Variants in HEATR5A observed in about 807,000 individuals in gnomAD.
HEATR5A encodes HEAT repeat containing 5A, also known as HEAT repeat-containing protein 5A.
HEATR5A carries 178 observed loss-of-function variants against 218.8 expected under a neutral mutation model. The ratio of observed to expected loss-of-function variants is 0.81; its 90% CI spans 0.72 to 0.92. The LOEUF is 0.92. Among genes scored for constraint, HEATR5A ranks in the 40% least tolerant of loss-of-function variants. The pLI, the probability that HEATR5A is intolerant of heterozygous loss-of-function variation, is 0.00. For synonymous variants in HEATR5A, 864 were observed against 871.6 expected (o/e 0.99, Z 0.15); for missense variants, 2,420 against 2,418.9 (o/e 1.00, Z -0.01).
chr14:31,343,151 G>A (rs966480064), intron 21 of HEATR5A, among the ~76,000 whole-genome samples: 1 of 151,084 alleles, frequency 6.6e-6, no homozygotes, highest in African/African-American at 2.4e-5. Flanking sequence ...GAGTGCCAAT[G>A]GCACGATCTC....
chr14:31,371,224 A>T (rs1341477960), intron 13 of HEATR5A, among the ~76,000 whole-genome samples: 1 of 152,234 alleles, frequency 6.6e-6, no homozygotes, highest in East Asian at 1.9e-4. Flanking sequence ...GGTCCTTCAG[A>T]AGAAACAGTC....
chr14:31,395,282 C>T lies in HEATR5A; in HGVS notation c.514G>A (p.Ala172Thr), dbSNP rs1281083308. The change falls in exon 5 of 36, where the codon GCA (alanine) becomes ACA (threonine). Residue 172 changes from alanine (A) to threonine (T), a missense_variant. By Grantham distance (58) the Ala-to-Thr change is moderately conservative. Transcript: ENST00000543095. The stretch of plus-strand genomic sequence containing the variant: ...TTATAAACATCCCTGTGACAAGGTG[C>T]AGCGGCAGCTCCTAGTCCATTCAAT... ...NILNGLGAAA[A>T]PCHRDVYKAA... The T allele has an allele frequency of 1.3e-6, 2 of 1,529,734 alleles. No homozygotes were observed. Among genetic ancestry groups the T allele is most frequent in the African/African-American group, 2.7e-5 (2 of 72,948 alleles). The allele number at this position is 1,529,734 out of a possible 1,614,324, so 94.8% of individuals were successfully genotyped here.
At chr14:31,323,016 T>A (rs1279358827) in intron 24 of HEATR5A, among the ~76,000 whole-genome samples, 1 of 152,112 alleles carries the variant, frequency 6.6e-6, no homozygotes, top group Non-Finnish European at 1.5e-5. Flanking sequence ...GTTTTTTAGT[T>A]AATATCTATG....
intron 6 of HEATR5A, among the ~76,000 whole-genome samples, chr14:31,393,129 G>C (rs1402850570): frequency 1.3e-5 from 2 of 152,020 alleles, no homozygotes; most frequent in African/African-American, 4.8e-5. Context: ...TCAGATGCAT[G>C]CTGCTTTAAA....
intron 6 of HEATR5A, among the ~76,000 whole-genome samples, chr14:31,390,891 T>C (rs1344272119): frequency 6.6e-6 from 1 of 152,174 alleles, no homozygotes; most frequent in African/African-American, 2.4e-5. Context: ...AGGTAGGCCC[T>C]TTAGGAAGTA....
chr14:31,357,545 G>T (rs1368354111), intron 16 of HEATR5A, among the ~76,000 whole-genome samples: 1 of 152,170 alleles, frequency 6.6e-6, no homozygotes. Flanking sequence ...TTTTCAGATA[G>T]TAACAAGAAT....
intron 22 of HEATR5A, among the ~76,000 whole-genome samples, chr14:31,333,992 C>T (rs897729443): frequency 4.3e-5 from 6 of 138,358 alleles, no homozygotes; most frequent in South Asian, 2.3e-4. Flanking sequence ...GAGCCCAGGT[C>T]GTGCCACTGC....
At chr14:31,354,570 G>A (rs1339454549) in intron 16 of HEATR5A, among the ~76,000 whole-genome samples, 1 of 152,066 alleles carries the variant, frequency 6.6e-6, no homozygotes, top group Admixed American at 6.5e-5. Context: ...TAGTAATACT[G>A]AATTAGTACT....
rs947491915 is a variant in HEATR5A at position 31,308,013 on chromosome 14, G to A, written c.4698C>T (p.Ser1566=). Residue 1566 remains serine (S), a synonymous_variant, in exon 30 of 36, where the codon AGC becomes AGT. Transcript: ENST00000543095. ...TDRFHLILGI[S]VEFLCSLRSD... is the part of the protein sequence containing the mutation. ...AACGTAAGGAACATAGAAATTCCAC[G>A]CTGATTCCTGTGGAAAGCAAAAAAA... 15 of 1,605,988 alleles carry A rather than the reference G, an allele frequency of 9.3e-6. No homozygotes were observed. Among genetic ancestry groups the A allele is most frequent in the Admixed American group, 1.7e-5 (1 of 58,014 alleles).
chr14:31,329,431 G>A (rs564614328), intron 22 of HEATR5A, among the ~76,000 whole-genome samples: 1 of 152,304 alleles, frequency 6.6e-6, no homozygotes, highest in South Asian at 2.1e-4. Flanking sequence ...TCCCAAATGG[G>A]AGAAATTGGG....
chr14:31,370,099 G>A (rs187710386), intron 13 of HEATR5A, among the ~76,000 whole-genome samples: 11 of 151,848 alleles, frequency 7.2e-5, no homozygotes, highest in African/African-American at 1.2e-4. Flanking sequence ...GGTGGTGGGC[G>A]CTTGTAGTCC....
rs59389303 is a variant in HEATR5A, at chr14:31,413,413, G to T, written c.-75+7059C>A. 2.3e-3 allele frequency among the ~76,000 whole-genome samples: 336 copies of T among 145,834 alleles called. 2 individuals are homozygous for T. Among genetic ancestry groups the T allele is most frequent in the African/African-American group, 7.7e-3 (305 of 39,374 alleles). ...TTTTTTTTTTTTTTTCCAAAATACT[G>T]CATGTTATTGTAAGGAATGAGAAAA... On this transcript the variant is annotated intron_variant, in intron 1 of 35. Coordinates refer to ENST00000543095, the MANE Select transcript of HEATR5A (RefSeq NM_015473.4).
intron 16 of HEATR5A, among the ~76,000 whole-genome samples, chr14:31,358,429 A>ACTGT (rs1901500713): frequency 6.6e-6 from 1 of 152,210 alleles, no homozygotes; most frequent in Non-Finnish European, 1.5e-5. Context: ...CTGTGAGCAA[A>ACTGT]GTATTGTATC....
At chr14:31,369,626 A>AC (rs1285798314) in intron 13 of HEATR5A, among the ~76,000 whole-genome samples, 10 of 148,046 alleles carry the variant, frequency 6.8e-5, no homozygotes, top group Admixed American at 1.4e-4. Flanking sequence ...AAAAAAAAAA[A>AC]AAAAAAAAAA....
intron 29 of HEATR5A, 113 bp downstream of exon 29, chr14:31,308,821 G>T: frequency 2.6e-6 from 2 of 775,798 alleles, no homozygotes; most frequent in Non-Finnish European, 3.9e-6. Flanking sequence ...GTGAGCTTGA[G>T]TTGAAATCGT....
chr14:31,391,005 G>A (rs552068866), intron 6 of HEATR5A, among the ~76,000 whole-genome samples: 8 of 152,146 alleles, frequency 5.3e-5, no homozygotes, highest in Non-Finnish European at 1.2e-4. Flanking sequence ...AAGACAGTGA[G>A]ATTGATGGTT....
At chr14:31,298,558 A>C (rs188368262) in intron 33 of HEATR5A, among the ~76,000 whole-genome samples, 1 of 152,244 alleles carries the variant, frequency 6.6e-6, no homozygotes. Context: ...GGCCTCCCAA[A>C]GTGCTGGGAT....
chr14:31,334,428 A>T (rs1900580556), intron 22 of HEATR5A: 1 of 456,202 alleles, frequency 2.2e-6, no homozygotes, highest in Non-Finnish European at 4.4e-6. Context: ...TGCAGATGGA[A>T]TCTACTCCTG....
chr14:31,313,052 G>A lies in HEATR5A; in HGVS notation c.4357C>T (p.Leu1453=). 1 of 1,613,978 alleles carries A rather than the reference G, an allele frequency of 6.2e-7. No homozygotes were observed. The highest frequency in any genetic ancestry group is 8.5e-7 in the Non-Finnish European group (1 of 1,179,860). Reference sequence around the variant, plus strand: ...AGTGCAGCAAGCCAGAGTCTGCTTAGTGTGCCAAGATCTGCATAGACTAAG... The same window carrying A: ...AGTGCAGCAAGCCAGAGTCTGCTTAATGTGCCAAGATCTGCATAGACTAAG... ...LDLVYADLGT[L]SRLWLAALQD... The change falls in exon 28 of 36, where the codon CTA becomes TTA. Residue 1453 remains leucine, a synonymous_variant. Transcript: ENST00000543095.
Sources: allele counts gnomAD v4.1 joint callset (sites outside exome capture counted in the v4.1 genomes callset), GRCh38; gene constraint gnomAD v4.1.1; transcripts MANE v1.5; gene names NCBI Gene and HGNC (gene_info 2026-07-23, HGNC 2026-07-21).